The following FLCN variants were observed in gnomAD, a reference collection of about 807,000 sequenced individuals.
FLCN encodes folliculin, also known as BHD skin lesion fibrofolliculoma protein.
Under a neutral mutation model 62.5 loss-of-function variants are expected in FLCN, and 22 were observed. That is an observed-to-expected ratio of 0.35 (90% confidence interval 0.25 to 0.50). The LOEUF is 0.50. FLCN is among the 20% of genes least tolerant of loss of function. FLCN has a pLI of 0.97. For synonymous variants in FLCN, 319 were observed against 310.0 expected, an observed-to-expected ratio of 1.03 and a Z score of -0.30; for missense variants, 657 against 778.0, an observed-to-expected ratio of 0.84 and a Z score of 1.85.
intron 5 of FLCN, chr17:17,224,442 G>A (rs928476846): frequency 1.2e-5 from 6 of 481,808 alleles, no homozygotes; most frequent in Admixed American, 3.3e-5. Context: ...AGACTCAAAT[G>A]TACCAGCTTA....
intron 1 of FLCN, among the ~76,000 whole-genome samples, chr17:17,233,775 G>A (rs1463944890): frequency 3.0e-5 from 4 of 133,204 alleles, no homozygotes; most frequent in African/African-American, 8.4e-5. Flanking sequence ...CCAGGCTGGA[G>A]TGCAATGGCG....
At position 17,213,496 on chromosome 17, in the gene FLCN, C is replaced by T; in HGVS notation, c.*159G>A. ...GGAGAGTCTGGGAAGCACACAGGCCCCAAACCTGACAGGGCCGAGCCCAGC... is the reference window on the plus strand; with the variant it reads ...GGAGAGTCTGGGAAGCACACAGGCCTCAAACCTGACAGGGCCGAGCCCAGC... On this transcript the variant is annotated 3_prime_UTR_variant, in exon 14 of 14. Transcript: ENST00000285071. 1 of 968,456 alleles carries T rather than the reference C, an allele frequency of 1.0e-6. No homozygotes were observed. The highest frequency in any genetic ancestry group is 1.6e-6 in the Non-Finnish European group (1 of 629,352). The allele number at this position is 968,456 out of a possible 1,614,324, so 60.0% of individuals were successfully genotyped here. A position where few individuals can be genotyped will look rare whatever the true frequency, so the allele number is the denominator to read the frequency against.
In FLCN at chr17:17,216,628, G is replaced by A. The variant is rs1250900650; in HGVS notation, c.1177-125C>T. 1.4e-6 allele frequency: 2 copies of A among 1,456,712 alleles called. No homozygotes were observed. The highest frequency in any genetic ancestry group is 1.9e-6 in the Non-Finnish European group (2 of 1,075,664). The allele number at this position is 1,456,712 out of a possible 1,614,324, so 90.2% of individuals were successfully genotyped here. A position where few individuals can be genotyped will look rare whatever the true frequency, so the allele number is the denominator to read the frequency against. On this transcript the variant is annotated intron_variant, in intron 10 of 13. Transcript: ENST00000285071. This position sits in a 1 kb window ranked among gnomAD's most constrained non-coding sequence, Gnocchi z 4.0. ...GGTCCAAGCCCTCCCTCCTGCCAGA[G>A]GAGTCCCCAGACTCTCAGCCCACAG... is the stretch of plus-strand genomic sequence containing the variant.
chr17:17,228,187 C>T (rs1357142475), intron 3 of FLCN, 26 bp from the exon 4 acceptor site: 5 of 1,598,848 alleles, frequency 3.1e-6, no homozygotes, highest in Non-Finnish European at 4.3e-6. Flanking sequence ...GACATGTCAG[C>T]TTGCCAATGC....
intron 1 of FLCN, among the ~76,000 whole-genome samples, chr17:17,234,065 G>A (rs1225403273): frequency 2.0e-5 from 3 of 151,856 alleles, no homozygotes; most frequent in East Asian, 1.9e-4. Flanking sequence ...GGGGTGCTCT[G>A]GCAGCATCTA....
intron 1 of FLCN, among the ~76,000 whole-genome samples, chr17:17,234,198 G>C (rs2047509647): frequency 6.9e-6 from 1 of 145,154 alleles, no homozygotes; most frequent in African/African-American, 2.6e-5. Flanking sequence ...GGGCTACACT[G>C]TTTTGTTTTT....
chr17:17,228,231 G>A, intron 3 of FLCN, 70 bp from the exon 4 acceptor site: 2 of 1,505,072 alleles, frequency 1.3e-6, no homozygotes, highest in South Asian at 1.3e-5. Flanking sequence ...CAGCCCCTCT[G>A]GAGCACAGGG....
intron 2 of FLCN, among the ~76,000 whole-genome samples, chr17:17,232,407 T>G (rs1323810719): frequency 6.6e-6 from 1 of 152,106 alleles, no homozygotes; most frequent in African/African-American, 2.4e-5. Flanking sequence ...GAAGTCGCCC[T>G]TGGAAAGATG....
At chr17:17,222,687 C>T in intron 6 of FLCN, 26 bp from the exon 7 acceptor site, 2 of 1,614,104 alleles carry the variant, frequency 1.2e-6, no homozygotes, top group Non-Finnish European at 8.5e-7. Flanking sequence ...AAGGGATGGC[C>T]TCTTTAAGCC....
chr17:17,227,604 G>A (rs1025767066), intron 4 of FLCN, among the ~76,000 whole-genome samples: 2 of 152,100 alleles, frequency 1.3e-5, no homozygotes, highest in South Asian at 2.1e-4. Context: ...TTCGTTATTC[G>A]GGAGGCTGAG....
rs397932764 is a variant in FLCN at position 17,212,475 on chromosome 17, TAAAAAAAAAAA to T, written c.*1169_*1179del. On this transcript the variant is annotated 3_prime_UTR_variant, in exon 14 of 14. Coordinates refer to ENST00000285071, the MANE Select transcript of FLCN (RefSeq NM_144997.7). ...ACGACATAGCAAGATGCCATCTCTT[TAAAAAAAAAAA>T]AAAAAAAAAAAAAAAGGGCCAGGCA... 1.6e-3 allele frequency: 122 copies of T among 76,042 alleles called. No individual in the cohort carries two copies. Among genetic ancestry groups the T allele is most frequent in the Admixed American group, 3.5e-3 (22 of 6,344 alleles). 4.7% of individuals were successfully genotyped at this position (76,042 alleles called of 1,614,324 possible).
At chr17:17,226,833 T>C (rs2047263923) in intron 4 of FLCN, among the ~76,000 whole-genome samples, 1 of 152,198 alleles carries the variant, frequency 6.6e-6, no homozygotes. Flanking sequence ...GATGTTGGTG[T>C]GGCAGCTCAC....
At chr17:17,223,327 A>C (rs1299555940) in intron 6 of FLCN, among the ~76,000 whole-genome samples, 3 of 152,222 alleles carry the variant, frequency 2.0e-5, no homozygotes, top group Admixed American at 1.3e-4. Flanking sequence ...TCCCGACCTC[A>C]GGTGATCTGC....
Position 17,216,105 on chromosome 17 carries a change from A to G in FLCN, c.1300+275T>C, listed in dbSNP as rs1474178578. The stretch of plus-strand genomic sequence containing the variant: ...TAGGCACCCAATCACCAGGACGACC[A>G]GGATCCTCCGGCCAGGGACACATCC... On this transcript the variant is annotated intron_variant, in intron 11 of 13. Coordinates refer to ENST00000285071, the MANE Select transcript of FLCN (RefSeq NM_144997.7). The surrounding 1 kb of genome is among the most constrained non-coding windows in gnomAD (Gnocchi z 4.0). 6.6e-6 allele frequency among the ~76,000 whole-genome samples: 1 copy of G among 152,186 alleles called. No homozygotes were observed. Among genetic ancestry groups the G allele is most frequent in the Non-Finnish European group, 1.5e-5 (1 of 68,022 alleles).
intron 5 of FLCN, 23 bp from the exon 6 acceptor site, chr17:17,224,166 G>A (rs775545613): frequency 5.1e-6 from 8 of 1,555,954 alleles, no homozygotes; most frequent in Non-Finnish European, 7.0e-6. Flanking sequence ...CGGCGACTCA[G>A]ACAGCCCTTT....
Position 17,213,599 on chromosome 17 carries a change from G to T in FLCN, c.*56C>A. 1 of 1,607,338 alleles carries T rather than the reference G, an allele frequency of 6.2e-7. No homozygotes were observed. Among genetic ancestry groups the T allele is most frequent in the Non-Finnish European group, 8.5e-7 (1 of 1,174,048 alleles). ...ACTCAAGGGACAGTCCCTCTCACGG[G>T]GCTGGAGGATCCTGTGGACAGCCAT... is the stretch of plus-strand genomic sequence containing the variant. On this transcript the variant is annotated 3_prime_UTR_variant, in exon 14 of 14. Coordinates refer to ENST00000285071, the MANE Select transcript of FLCN (RefSeq NM_144997.7).
intron 1 of FLCN, among the ~76,000 whole-genome samples, chr17:17,234,369 G>A (rs1597635064): frequency 6.6e-6 from 1 of 151,078 alleles, no homozygotes; most frequent in East Asian, 2.0e-4. Flanking sequence ...GCGCCACCAG[G>A]ACCAGCCAAC....
intron 1 of FLCN, among the ~76,000 whole-genome samples, chr17:17,235,029 G>C (rs373930686): frequency 2.6e-5 from 4 of 151,266 alleles, no homozygotes; most frequent in African/African-American, 4.9e-5. Flanking sequence ...GGAGAATGGC[G>C]TGAACCCAGG....
In FLCN at chr17:17,213,224, T is replaced by C. The variant is rs2046803909; in HGVS notation, c.*431A>G. The C allele has an allele frequency of 2.6e-6, 1 of 384,814 alleles. No individual in the cohort carries two copies. The highest frequency in any genetic ancestry group is 2.0e-5 in the African/African-American group (1 of 50,132). The allele number at this position is 384,814 out of a possible 1,614,324, so 23.8% of individuals were successfully genotyped here. On this transcript the variant is annotated 3_prime_UTR_variant, in exon 14 of 14. Coordinates refer to ENST00000285071, the MANE Select transcript of FLCN (RefSeq NM_144997.7). ...CTGCAGCAAAAGGTACCCTCAAACATAAGGCCCAGAAACTCTTGCTGAATT... is the reference window on the plus strand; with the variant it reads ...CTGCAGCAAAAGGTACCCTCAAACACAAGGCCCAGAAACTCTTGCTGAATT...
Sources: allele counts gnomAD v4.1 joint callset (sites outside exome capture counted in the v4.1 genomes callset), GRCh38; gene constraint gnomAD v4.1.1; non-coding constraint Gnocchi (gnomAD v3.1); transcripts MANE v1.5; gene names NCBI Gene and HGNC (gene_info 2026-07-23, HGNC 2026-07-21).